Variants in COL25A1 observed in about 807,000 individuals in gnomAD.
The protein encoded by COL25A1 is collagen type XXV alpha 1 chain, also known as collagen alpha-1(XXV) chain.
A neutral mutation model predicts 128.4 loss-of-function variants in COL25A1; 103 were observed. The ratio of observed to expected loss-of-function variants is 0.80; its 90% CI spans 0.68 to 0.94. The LOEUF (loss-of-function observed/expected upper bound fraction) is 0.94, where lower values mean the gene tolerates loss of function less well. Ranked by LOEUF, COL25A1 falls within the 40% of genes least tolerant of loss-of-function variation. COL25A1 has a pLI of 0.00. For synonymous variants in COL25A1, 279 were observed against 277.2 expected (o/e 1.01, Z -0.06); for missense variants, 745 against 840.0 (o/e 0.89, Z 1.40).
At chr4:109,059,484 T>C (rs1761747811) in intron 3 of COL25A1, among the ~76,000 whole-genome samples, 1 of 152,238 alleles carries the variant, frequency 6.6e-6, no homozygotes, top group African/African-American at 2.4e-5. Flanking sequence ...TCATGAGTAT[T>C]TCTGAAGCCC....
intron 3 of COL25A1, among the ~76,000 whole-genome samples, chr4:109,277,034 C>T (rs1039585834): frequency 2.6e-4 from 39 of 152,180 alleles, no homozygotes; most frequent in Non-Finnish European, 4.1e-4. Context: ...TCATTGCTCC[C>T]GCCTGGAACT....
chr4:108,974,397 T>C lies in COL25A1; in HGVS notation c.466-4A>G. 1 of 1,613,910 alleles carries C rather than the reference T, an allele frequency of 6.2e-7. No homozygotes were observed. Among genetic ancestry groups the C allele is most frequent in the African/African-American group, 1.3e-5 (1 of 75,022 alleles). On this transcript the variant is annotated splice_polypyrimidine_tract_variant and splice_region_variant and intron_variant, in intron 7 of 37. Coordinates refer to ENST00000399132, the MANE Select transcript of COL25A1 (RefSeq NM_198721.4). The stretch of plus-strand genomic sequence containing the variant: ...GTCCCTGATCACCTTGTTCTCCCTG[T>C]AGAATAGAAAGGTGAGATAACAGTT...
At chr4:108,926,377 A>T (rs1405726204) in intron 11 of COL25A1, among the ~76,000 whole-genome samples, 5 of 152,160 alleles carry the variant, frequency 3.3e-5, no homozygotes, top group Non-Finnish European at 1.5e-5. Flanking sequence ...AAACACAGGG[A>T]ACAAAAAAGA....
At chr4:109,247,896 G>A (rs568244991) in intron 3 of COL25A1, among the ~76,000 whole-genome samples, 4 of 152,134 alleles carry the variant, frequency 2.6e-5, no homozygotes, top group African/African-American at 9.6e-5. Flanking sequence ...GGCAAGAAAC[G>A]GGTCAAGAAG....
chr4:108,813,946 CAA>C lies in COL25A1; in HGVS notation c.1963-19_1963-18del, dbSNP rs1560688917. 6.3e-7 allele frequency: 1 copy of C among 1,581,726 alleles called. No individual in the cohort carries two copies. Among genetic ancestry groups the C allele is most frequent in the Non-Finnish European group, 8.7e-7 (1 of 1,153,262 alleles). ...GATTCATCACTGCAGAAAAAGACAA[CAA>C]AAAGACAAATACATGGAATTAGTAG... is the stretch of plus-strand genomic sequence containing the variant. On this transcript the variant is annotated intron_variant, in intron 37 of 37. Coordinates refer to ENST00000399132, the MANE Select transcript of COL25A1 (RefSeq NM_198721.4).
At chr4:108,818,859 CT>C (rs34144135) in intron 36 of COL25A1, among the ~76,000 whole-genome samples, 205 of 147,762 alleles carry the variant, frequency 1.4e-3, no homozygotes, top group South Asian at 1.9e-3. Flanking sequence ...GCAGAAATAC[CT>C]TTTTTTTTTT....
At chr4:109,210,500 G>A (rs1303357332) in intron 3 of COL25A1, among the ~76,000 whole-genome samples, 1 of 152,142 alleles carries the variant, frequency 6.6e-6, no homozygotes, top group Non-Finnish European at 1.5e-5. Flanking sequence ...GGCAAGATGA[G>A]CCAGCATATT....
chr4:108,997,059 TAAAAG>T (rs1490430091), intron 6 of COL25A1, among the ~76,000 whole-genome samples: 1 of 151,888 alleles, frequency 6.6e-6, no homozygotes, highest in Non-Finnish European at 1.5e-5. Flanking sequence ...ACATCACAAT[TAAAAG>T]AACTAGAGAA....
chr4:109,064,960 T>C (rs1338991863), intron 3 of COL25A1, among the ~76,000 whole-genome samples: 1 of 152,042 alleles, frequency 6.6e-6, no homozygotes, highest in East Asian at 1.9e-4. Context: ...AGGGTAGAAG[T>C]AGAACATGGT....
intron 8 of COL25A1, among the ~76,000 whole-genome samples, chr4:108,973,588 A>G (rs1188578746): frequency 6.6e-6 from 1 of 152,208 alleles, no homozygotes; most frequent in East Asian, 1.9e-4. Context: ...GAGCCTTTCC[A>G]CTGTAAAAAA....
intron 3 of COL25A1, among the ~76,000 whole-genome samples, chr4:109,086,686 G>A (rs1274257368): frequency 6.6e-6 from 1 of 152,060 alleles, no homozygotes; most frequent in Non-Finnish European, 1.5e-5. Flanking sequence ...CTTGACTGCT[G>A]GGAATTGCTC....
chr4:109,161,427 GTTCT>G (rs1317886943), intron 3 of COL25A1, among the ~76,000 whole-genome samples: 1 of 152,048 alleles, frequency 6.6e-6, no homozygotes, highest in Non-Finnish European at 1.5e-5. Context: ...TAGTAAATCT[GTTCT>G]TTCTTTCTTA....
At chr4:109,268,022 T>C (rs1781906503) in intron 3 of COL25A1, among the ~76,000 whole-genome samples, 1 of 152,172 alleles carries the variant, frequency 6.6e-6, no homozygotes, top group Non-Finnish European at 1.5e-5. Context: ...AATCTAAAAC[T>C]TTAAAATGTC....
chr4:109,207,210 G>C (rs981252068), intron 3 of COL25A1, among the ~76,000 whole-genome samples: 1 of 152,110 alleles, frequency 6.6e-6, no homozygotes, highest in Non-Finnish European at 1.5e-5. Context: ...TTAGGAAGCT[G>C]CCAAACAAAG....
At chr4:109,286,556 TA>T (rs1309865861) in intron 3 of COL25A1, among the ~76,000 whole-genome samples, 2 of 152,114 alleles carry the variant, frequency 1.3e-5, no homozygotes, top group South Asian at 2.1e-4. Context: ...TGGGAATAAG[TA>T]AAGAATGATT....
chr4:108,974,010 C>T (rs1199406185), intron 8 of COL25A1, among the ~76,000 whole-genome samples: 1 of 152,144 alleles, frequency 6.6e-6, no homozygotes, highest in African/African-American at 2.4e-5. Context: ...AGCAAAAGGC[C>T]AAATTCAATA....
chr4:109,068,609 T>C (rs1222412316), intron 3 of COL25A1, among the ~76,000 whole-genome samples: 1 of 152,182 alleles, frequency 6.6e-6, no homozygotes. Context: ...ACCAGCAGCA[T>C]GGCCAAATGA....
chr4:109,068,925 T>A (rs1762688144), intron 3 of COL25A1, among the ~76,000 whole-genome samples: 1 of 152,094 alleles, frequency 6.6e-6, no homozygotes, highest in Admixed American at 6.6e-5. Context: ...CATATTTACA[T>A]ACTGAGATTA....
intron 6 of COL25A1, among the ~76,000 whole-genome samples, chr4:109,007,180 G>C (rs1332660290): frequency 2.0e-5 from 3 of 152,196 alleles, no homozygotes; most frequent in African/African-American, 7.2e-5. Flanking sequence ...AGCAGAGCAG[G>C]GGTTAGGAAA....
Sources: allele counts gnomAD v4.1 joint callset (sites outside exome capture counted in the v4.1 genomes callset), GRCh38; gene constraint gnomAD v4.1.1; transcripts MANE v1.5; gene names NCBI Gene and HGNC (gene_info 2026-07-23, HGNC 2026-07-21).